The following LRRC72 variants were observed in gnomAD, a reference collection of about 807,000 sequenced individuals.
The protein encoded by LRRC72 is leucine rich repeat containing 72.
LRRC72 carries 41 observed loss-of-function variants against 35.8 expected under a neutral mutation model. That is an observed-to-expected ratio of 1.15 (90% CI 0.89 to 1.49). LRRC72 has a LOEUF of 1.49. Among genes scored for constraint, LRRC72 ranks in the 40% most tolerant of loss-of-function variants. The pLI is 0.00. For missense variants in LRRC72, 389 were observed against 330.7 expected (o/e 1.18, Z -1.37); for synonymous variants, 118 against 119.2 (o/e 0.99, Z 0.07).
At chr7:16,576,032 G>A (rs1293092526) in intron 7 of LRRC72, among the ~76,000 whole-genome samples, 2 of 152,134 alleles carry the variant, frequency 1.3e-5, no homozygotes, top group African/African-American at 4.8e-5. Context: ...GATAGGGAGA[G>A]TATTTTATTG....
Position 16,526,970 on chromosome 7 carries a change from C to A in LRRC72, c.18C>A (p.Asn6Lys). Residue 6 changes from asparagine (N) to lysine (K), a missense_variant, in exon 1 of 9, where the codon AAC (asparagine) becomes AAA (lysine). By Grantham distance (94) the Asn-to-Lys change is moderately conservative (BLOSUM62 0). Coordinates refer to ENST00000401542, the MANE Select transcript of LRRC72 (RefSeq NM_001195280.2). ...GTGTCCTGATGTCCTGGGACCCGAA[C>A]CCCGTGCCCCGTACCTTGCGATGCT... MSWDP[N>K]PVPRTLRCWR... is the part of the protein sequence containing the mutation. The A allele has an allele frequency of 6.5e-7, 1 of 1,539,894 alleles. No individual in the cohort carries two copies. Among genetic ancestry groups the A allele is most frequent in the Non-Finnish European group, 8.7e-7 (1 of 1,146,924 alleles).
intron 7 of LRRC72, among the ~76,000 whole-genome samples, chr7:16,579,605 T>C (rs1783105795): frequency 6.6e-6 from 1 of 152,208 alleles, no homozygotes; most frequent in African/African-American, 2.4e-5. Context: ...CTAGTATTTG[T>C]TTATTCCGTT....
intron 5 of LRRC72, among the ~76,000 whole-genome samples, chr7:16,564,669 C>G (rs1782798073): frequency 6.6e-6 from 1 of 152,130 alleles, no homozygotes; most frequent in South Asian, 2.1e-4. Context: ...TCTTCCATTG[C>G]CTGCTTTATG....
intron 1 of LRRC72, among the ~76,000 whole-genome samples, chr7:16,527,743 T>C (rs905784698): frequency 1.3e-5 from 2 of 152,172 alleles, no homozygotes; most frequent in African/African-American, 4.8e-5. Flanking sequence ...CTGTAATGAA[T>C]TGAAAGCTCT....
intron 3 of LRRC72, among the ~76,000 whole-genome samples, chr7:16,545,159 C>T (rs1347917051): frequency 6.6e-6 from 1 of 152,044 alleles, no homozygotes; most frequent in Non-Finnish European, 1.5e-5. Flanking sequence ...CACACGTATC[C>T]CAGAACTTAA....
chr7:16,558,844 G>GA (rs761001244), intron 4 of LRRC72, 45 bp from the exon 5 acceptor site: 4 of 1,220,288 alleles, frequency 3.3e-6, no homozygotes, highest in Non-Finnish European at 4.4e-6. Context: ...AAAATAAACT[G>GA]AAAAAAATGT....
In LRRC72 at chr7:16,532,561, T is replaced by A. The variant is rs1782186710; in HGVS notation, c.157T>A (p.Ser53Thr). The A allele has an allele frequency of 6.5e-7, 1 of 1,548,058 alleles. No homozygotes were observed. The highest frequency in any genetic ancestry group is 2.0e-5 in the Admixed American group (1 of 50,994). ...TGCTGATGTCTTTGAGCTGTTCCTTTCTAAAAAGTAAGTGTACTTAACATA... is the reference window on the plus strand; with the variant it reads ...TGCTGATGTCTTTGAGCTGTTCCTTACTAAAAAGTAAGTGTACTTAACATA... ...RDADVFELFL[S>T]KKELTEVIDL... Residue 53 changes from serine (S) to threonine (T), a missense_variant, in exon 2 of 9, where the codon TCT (serine) becomes ACT (threonine). By Grantham distance (58) the Ser-to-Thr change is moderately conservative. Transcript: ENST00000401542.
At chr7:16,529,184 C>G (rs1180416002) in intron 1 of LRRC72, among the ~76,000 whole-genome samples, 1 of 152,158 alleles carries the variant, frequency 6.6e-6, no homozygotes, top group East Asian at 1.9e-4. Flanking sequence ...ATTTATTTCT[C>G]ACAACTGCCT....
chr7:16,544,619 C>G (rs1782413092), intron 3 of LRRC72, among the ~76,000 whole-genome samples: 1 of 152,112 alleles, frequency 6.6e-6, no homozygotes. Context: ...CCTAAGTGAC[C>G]TATATTTTAC....
chr7:16,560,300 T>C (rs1476944335), intron 5 of LRRC72, among the ~76,000 whole-genome samples: 4 of 152,216 alleles, frequency 2.6e-5, no homozygotes, highest in Non-Finnish European at 4.4e-5. Context: ...ATCAGATAAA[T>C]GTACAGAGAG....
At chr7:16,569,377 T>G (rs1316864327) in intron 7 of LRRC72, among the ~76,000 whole-genome samples, 1 of 151,846 alleles carries the variant, frequency 6.6e-6, no homozygotes, top group East Asian at 2.0e-4. Flanking sequence ...AGTGAGCCAT[T>G]GCACTCTAGC....
intron 3 of LRRC72, among the ~76,000 whole-genome samples, chr7:16,557,100 TAGCA>T (rs1782661932): frequency 6.6e-6 from 1 of 152,190 alleles, no homozygotes; most frequent in African/African-American, 2.4e-5. Flanking sequence ...TTGGAAAGCC[TAGCA>T]AGCAAGTTTG....
intron 1 of LRRC72, among the ~76,000 whole-genome samples, chr7:16,531,708 GA>G: frequency 6.6e-6 from 1 of 152,180 alleles, no homozygotes; most frequent in East Asian, 1.9e-4. Context: ...GAAAATTACA[GA>G]CAGACTTTAC....
chr7:16,534,644 AAAAAT>A (rs1367213225), intron 2 of LRRC72, among the ~76,000 whole-genome samples: 1 of 152,036 alleles, frequency 6.6e-6, no homozygotes, highest in Non-Finnish European at 1.5e-5. Context: ...CTCAGTCTCA[AAAAAT>A]AAAATAAAAT....
intron 3 of LRRC72, among the ~76,000 whole-genome samples, chr7:16,549,607 C>A (rs1782513309): frequency 6.6e-6 from 1 of 152,168 alleles, no homozygotes; most frequent in African/African-American, 2.4e-5. Flanking sequence ...AATTAACTTT[C>A]AACTGTCTCC....
chr7:16,532,607 T>A, intron 2 of LRRC72, 39 bp downstream of exon 2: 5 of 1,340,324 alleles, frequency 3.7e-6, no homozygotes, highest in African/African-American at 1.4e-5. Flanking sequence ...GAGTATCATG[T>A]TATCATGATC....
rs1358223282 is a variant in LRRC72, at chr7:16,528,582, A to G, written c.90+1540A>G. Among the ~76,000 whole-genome samples, 3 of 152,008 alleles carry G rather than the reference A, an allele frequency of 2.0e-5. No homozygotes were observed. The East Asian group carries it at 5.8e-4, about 30-fold the overall frequency. On this transcript the variant is annotated intron_variant, in intron 1 of 8. Coordinates refer to ENST00000401542, the MANE Select transcript of LRRC72 (RefSeq NM_001195280.2). ...AACACACCCCATGTCATATCTGTTC[A>G]CTGCTCACTCACACCTGCCCCCACC... is the stretch of plus-strand genomic sequence containing the variant.
At chr7:16,555,458 A>C (rs1782634280) in intron 3 of LRRC72, among the ~76,000 whole-genome samples, 1 of 152,172 alleles carries the variant, frequency 6.6e-6, no homozygotes, top group Non-Finnish European at 1.5e-5. Flanking sequence ...CAATGAGCAA[A>C]ATATTTTTAT....
chr7:16,548,117 C>T (rs1249209297), intron 3 of LRRC72, among the ~76,000 whole-genome samples: 1 of 152,226 alleles, frequency 6.6e-6, no homozygotes, highest in Non-Finnish European at 1.5e-5. Flanking sequence ...GCTATCTTCT[C>T]TGCTGAGAGC....
Sources: gnomAD v4.1 joint callset for allele counts (sites outside exome capture counted in the v4.1 genomes callset) on GRCh38, gnomAD v4.1.1 for gene constraint, MANE v1.5 for transcripts, NCBI Gene and HGNC (gene_info 2026-07-23, HGNC 2026-07-21) for gene names.